The following ZMYM6 variants were observed in gnomAD, a reference collection of about 807,000 sequenced individuals.
ZMYM6 encodes zinc finger MYM-type containing 6, also known as zinc finger MYM-type protein 6.
A neutral mutation model predicts 134.0 loss-of-function variants in ZMYM6; 90 were observed. The observed-to-expected ratio is 0.67, with a 90% CI of 0.57 to 0.80. ZMYM6 has a LOEUF of 0.80. Among genes scored for constraint, ZMYM6 ranks in the 30% least tolerant of loss-of-function variants. The pLI is 0.00. For synonymous variants in ZMYM6, 481 were observed against 524.1 expected (o/e 0.92, Z 1.12); for missense variants, 1,362 against 1,533.9 (o/e 0.89, Z 1.87).
intron 14 of ZMYM6, among the ~76,000 whole-genome samples, chr1:34,997,348 G>A (rs1207875028): frequency 6.6e-6 from 1 of 152,188 alleles, no homozygotes. Context: ...CTGTCACCCA[G>A]ACTGGAGTGC....
At chr1:35,018,270 G>A (rs560193564) in intron 4 of ZMYM6, 5 of 151,834 alleles carry the variant, frequency 3.3e-5, no homozygotes, top group African/African-American at 1.2e-4. Context: ...TCTGAGCCCG[G>A]GGAGTTCAAG....
intron 14 of ZMYM6, among the ~76,000 whole-genome samples, chr1:34,998,753 G>A (rs1441557237): frequency 1.3e-5 from 2 of 152,178 alleles, no homozygotes; most frequent in African/African-American, 2.4e-5. Context: ...GGAATCTGGA[G>A]CTCAAAGGTC....
intron 2 of ZMYM6, among the ~76,000 whole-genome samples, chr1:35,026,221 A>G (rs1054468476): frequency 1.3e-5 from 2 of 152,192 alleles, no homozygotes; most frequent in Admixed American, 1.3e-4. Context: ...GGGTTTCACC[A>G]GGTTGGCCAG....
intron 6 of ZMYM6, chr1:35,013,208 C>T (rs1557577714): frequency 1.4e-6 from 1 of 700,746 alleles, no homozygotes; most frequent in Non-Finnish European, 1.8e-6. Flanking sequence ...ATCACAGAAA[C>T]CTTTCAACAA....
At chr1:35,010,392 G>C in intron 10 of ZMYM6, 55 bp downstream of exon 10, 1 of 1,554,546 alleles carries the variant, frequency 6.4e-7, no homozygotes, top group Non-Finnish European at 8.7e-7. Context: ...AATTGCCCAA[G>C]TCGTCATGAA....
intron 2 of ZMYM6, among the ~76,000 whole-genome samples, chr1:35,029,264 A>C (rs1303637459): frequency 6.6e-6 from 1 of 152,208 alleles, no homozygotes; most frequent in African/African-American, 2.4e-5. Flanking sequence ...CGTCCTACAT[A>C]ATCCAGCCTT....
chr1:35,013,659 A>ATCATTTAC, intron 6 of ZMYM6: 1 of 985,252 alleles, frequency 1.0e-6, no homozygotes, highest in Non-Finnish European at 1.2e-6. Context: ...AAGTTTAATT[A>ATCATTTAC]TCATTTACAA....
chr1:34,987,933 A>G lies in ZMYM6; in HGVS notation c.3149T>C (p.Leu1050Ser). ...TCCCATCTCTTCACACAAAATTGTT[A>G]ACATACGTGAATTTAATGCATTGCT... ...IKSNALNSRM[L>S]TILCEEMGSE... Residue 1050 changes from leucine to serine, a missense_variant, in exon 16 of 16, where the codon TTA (leucine) becomes TCA (serine). Leu to Ser is a moderately radical substitution (Grantham distance 145). Transcript: ENST00000357182. 1 of 1,551,688 alleles carries G rather than the reference A, an allele frequency of 6.4e-7. No homozygotes were observed. The highest frequency in any genetic ancestry group is 8.7e-7 in the Non-Finnish European group (1 of 1,146,982).
chr1:35,015,206 A>T, intron 4 of ZMYM6, 44 bp from the exon 5 acceptor site: 1 of 1,498,904 alleles, frequency 6.7e-7, no homozygotes, highest in Non-Finnish European at 9.0e-7. Flanking sequence ...TATTCTTCAC[A>T]ACTGTAACTT....
In ZMYM6 at chr1:34,992,369, C is replaced by T. The variant is rs759972700; in HGVS notation, c.2011G>A (p.Ala671Thr). 3.1e-6 allele frequency: 5 copies of T among 1,613,784 alleles called. No individual in the cohort carries two copies. Among genetic ancestry groups the T allele is most frequent in the Non-Finnish European group, 4.2e-6 (5 of 1,179,864 alleles). ...GATTGGGAAGATGGAAATTTCATAG[C>T]ATCTTCCTGTGTACTTTCCTAGTTA... is the stretch of plus-strand genomic sequence containing the variant. ...IIQDESTQEDAMKFPSSQSSQ... is the reference protein window; with the variant it reads ...IIQDESTQEDTMKFPSSQSSQ... Residue 671 changes from alanine (A) to threonine (T), a missense_variant, in exon 15 of 16, where the codon GCT becomes ACT. Physicochemically the swap from Ala to Thr is moderately conservative, Grantham distance 58. Coordinates refer to ENST00000357182, the MANE Select transcript of ZMYM6 (RefSeq NM_007167.4).
chr1:35,003,793 A>G, intron 14 of ZMYM6, 175 bp downstream of exon 14: 2 of 575,136 alleles, frequency 3.5e-6, no homozygotes, highest in South Asian at 2.1e-5. Context: ...CTGCCGAAAT[A>G]TGGTCAAAAG....
rs774508184 is a variant in ZMYM6 at position 34,987,391 on chromosome 1, C to T, written c.3691G>A (p.Glu1231Lys). 6 of 1,613,916 alleles carry T rather than the reference C, an allele frequency of 3.7e-6. No homozygotes were observed. The highest frequency in any genetic ancestry group is 2.2e-5 in the East Asian group (1 of 44,866). Residue 1231 changes from glutamate to lysine, a missense_variant, in exon 16 of 16, where the codon GAA becomes AAA. By Grantham distance (56) the Glu-to-Lys change is moderately conservative (BLOSUM62 1). This residue lies in a region of ZMYM6 where 824 missense variants were observed against 940.9 expected (regional missense o/e 0.88). Transcript: ENST00000357182. ...GATAGCTCTGTTAGCTTTTCTTCTT[C>T]GAAGTCGGTGAGATTATTATTTTGG... is the stretch of plus-strand genomic sequence containing the variant. ...NHQNNNLTDF[E>K]EEKLTELSSD...
At chr1:35,016,821 A>G (rs1048555299) in intron 4 of ZMYM6, among the ~76,000 whole-genome samples, 3 of 152,100 alleles carry the variant, frequency 2.0e-5, no homozygotes, top group African/African-American at 7.2e-5. Flanking sequence ...TGGGCAACAG[A>G]GCAAGACCCG....
rs1375865719 is a variant in ZMYM6 at position 35,015,741 on chromosome 1, A to AT, written c.429-580_429-579insA. On this transcript the variant is annotated intron_variant, in intron 4 of 15. Coordinates refer to ENST00000357182, the MANE Select transcript of ZMYM6 (RefSeq NM_007167.4). The stretch of plus-strand genomic sequence containing the variant: ...TCCATCTCAAAAAAAAAAAAAAAAA[A>AT]AAATATATATATATATATATGTGGC... 6.0e-3 allele frequency among the ~76,000 whole-genome samples: 724 copies of AT among 121,404 alleles called. 5 individuals are homozygous for AT. Among genetic ancestry groups the AT allele is most frequent in the African/African-American group, 0.036 (654 of 18,304 alleles). The allele number at this position is 121,404 out of a possible 152,430, so 79.6% of individuals were successfully genotyped here.
chr1:35,003,424 G>A (rs116019600), intron 14 of ZMYM6, among the ~76,000 whole-genome samples: 1,937 of 152,222 alleles, frequency 0.013, 46 homozygotes, highest in African/African-American at 0.044. Flanking sequence ...GACATAAAGT[G>A]AAAGTCTAAA....
chr1:35,012,795 G>A (rs1299771353), intron 6 of ZMYM6: 1 of 985,190 alleles, frequency 1.0e-6, no homozygotes, highest in African/African-American at 1.7e-5. Context: ...TTCAGATAGA[G>A]ATCTTAGCAA....
intron 13 of ZMYM6, among the ~76,000 whole-genome samples, 199 bp downstream of exon 13, chr1:35,004,933 C>T (rs755700075): frequency 4.0e-5 from 6 of 151,880 alleles, no homozygotes; most frequent in Non-Finnish European, 1.5e-5. Context: ...TGGCAGGCAC[C>T]TGTAATCCCA....
intron 4 of ZMYM6, chr1:35,018,245 G>A (rs964259611): frequency 3.3e-5 from 5 of 152,022 alleles, no homozygotes; most frequent in African/African-American, 7.2e-5. Flanking sequence ...TTGAAAGGCT[G>A]AGGTGGGAGG....
intron 2 of ZMYM6, among the ~76,000 whole-genome samples, chr1:35,029,689 G>T (rs1356531012): frequency 6.6e-6 from 1 of 151,994 alleles, no homozygotes; most frequent in African/African-American, 2.4e-5. Flanking sequence ...CCTATTCACA[G>T]TTCCCTCTGT....
Sources: allele counts gnomAD v4.1 joint callset (sites outside exome capture counted in the v4.1 genomes callset), GRCh38; gene constraint gnomAD v4.1.1; regional missense constraint gnomAD v4.1.1; transcripts MANE v1.5; gene names NCBI Gene and HGNC (gene_info 2026-07-23, HGNC 2026-07-21).